The following DYM variants were observed in gnomAD, a reference collection of about 807,000 sequenced individuals.
DYM encodes the protein dyggve-Melchior-Clausen syndrome protein.
A neutral mutation model predicts 93.1 loss-of-function variants in DYM; 78 were observed. The observed-to-expected ratio is 0.84, with a 90% confidence interval of 0.70 to 1.01. The LOEUF (loss-of-function observed/expected upper bound fraction) is 1.01, where lower values mean the gene tolerates loss of function less well. DYM is among the 50% of genes least tolerant of loss of function. The pLI, the probability that DYM is intolerant of heterozygous loss-of-function variation, is 0.00. For synonymous variants in DYM, 321 were observed against 319.7 expected, an observed-to-expected ratio of 1.00 and a Z score of -0.04; for missense variants, 789 against 845.0, an observed-to-expected ratio of 0.93 and a Z score of 0.82.
intron 13 of DYM, among the ~76,000 whole-genome samples, chr18:49,228,226 A>G (rs2093595998): frequency 6.6e-6 from 1 of 152,178 alleles, no homozygotes; most frequent in African/African-American, 2.4e-5. Context: ...TCCACAAGTC[A>G]TCTTATGTAT....
At chr18:49,360,043 A>T (rs2065887537) in intron 6 of DYM, among the ~76,000 whole-genome samples, 1 of 152,216 alleles carries the variant, frequency 6.6e-6, no homozygotes, top group South Asian at 2.1e-4. Context: ...TGTACATAAT[A>T]GGAGACAACT....
chr18:49,064,869 G>A (rs1302785121), intron 17 of DYM, among the ~76,000 whole-genome samples: 1 of 149,798 alleles, frequency 6.7e-6, no homozygotes, highest in Non-Finnish European at 1.5e-5. Flanking sequence ...CCTCTTTGTT[G>A]TTCATAATGT....
intron 8 of DYM, among the ~76,000 whole-genome samples, chr18:49,305,379 T>C (rs2061212800): frequency 6.6e-6 from 1 of 152,212 alleles, no homozygotes; most frequent in South Asian, 2.1e-4. Flanking sequence ...CCAGCAATCC[T>C]ACTACATTGA....
chr18:49,314,192 A>G (rs577081), intron 8 of DYM, among the ~76,000 whole-genome samples: 109,875 of 152,142 alleles, frequency 0.72, 39,750 homozygotes, highest in South Asian at 0.76. Context: ...ACATAGTTTA[A>G]TTTTGCCAGT....
At chr18:49,427,077 G>A (rs191558322) in intron 2 of DYM, among the ~76,000 whole-genome samples, 69 of 152,144 alleles carry the variant, frequency 4.5e-4, no homozygotes, top group Non-Finnish European at 9.0e-4. Flanking sequence ...AGGTGATTCA[G>A]GCAAAAATCA....
chr18:49,414,391 T>TA (rs201777732), intron 2 of DYM, among the ~76,000 whole-genome samples: 1,890 of 152,024 alleles, frequency 0.012, 31 homozygotes, highest in African/African-American at 0.039. Context: ...TTTACCACAA[T>TA]AAAAAAAACA....
At chr18:49,451,951 C>T (rs144278489) in intron 1 of DYM, among the ~76,000 whole-genome samples, 3 of 152,260 alleles carry the variant, frequency 2.0e-5, no homozygotes, top group African/African-American at 7.2e-5. Flanking sequence ...AATCTGGATA[C>T]CTTGGCAAAT....
intron 17 of DYM, among the ~76,000 whole-genome samples, chr18:49,056,999 C>T (rs950765585): frequency 6.6e-5 from 10 of 152,208 alleles, no homozygotes; most frequent in Non-Finnish European, 8.8e-5. Context: ...GGGCCAATTC[C>T]TGCTTTTACC....
rs560525448 is a variant in DYM at position 49,397,568 on chromosome 18, C to G, written c.141-5923G>C. ...CTCCAAATGGGCAACTCTTTTGTAC[C>G]AGCTTTAAAACCCATACCCCTCCAG... is the stretch of plus-strand genomic sequence containing the variant. On this transcript the variant is annotated intron_variant, in intron 2 of 17. Coordinates refer to ENST00000675505, the MANE Select transcript of DYM (RefSeq NM_001353214.3). Among the ~76,000 whole-genome samples the G allele has an allele frequency of 1.9e-4, 29 of 152,270 alleles. 1 individual carries two copies. In the South Asian group the frequency reaches 5.8e-3, roughly 31 times the overall value.
intron 17 of DYM, among the ~76,000 whole-genome samples, chr18:49,051,835 C>T (rs551935088): frequency 6.6e-6 from 1 of 152,308 alleles, no homozygotes; most frequent in Admixed American, 6.5e-5. Context: ...TGCTGTCTCC[C>T]AAGTGTGCAC....
intron 13 of DYM, among the ~76,000 whole-genome samples, chr18:49,235,059 A>C (rs2093820040): frequency 6.6e-6 from 1 of 152,214 alleles, no homozygotes. Flanking sequence ...ATATGAACCC[A>C]GCAGGCCTAC....
At chr18:49,435,130 C>T (rs1013652976) in intron 1 of DYM, among the ~76,000 whole-genome samples, 3 of 148,640 alleles carry the variant, frequency 2.0e-5, no homozygotes, top group African/African-American at 7.4e-5. Flanking sequence ...ATCACTTGAA[C>T]CCAGGAGGCA....
At chr18:49,101,420 T>C (rs1033734718) in intron 16 of DYM, among the ~76,000 whole-genome samples, 4 of 152,226 alleles carry the variant, frequency 2.6e-5, no homozygotes, top group Non-Finnish European at 5.9e-5. Context: ...CCCACTGTCA[T>C]ATACTGATTA....
At position 49,097,876 on chromosome 18, in the gene DYM, T is replaced by TCG. The variant is rs1302762851; in HGVS notation, c.1912-362_1912-361insCG. Among the ~76,000 whole-genome samples the TCG allele has an allele frequency of 4.9e-4, 14 of 28,514 alleles. 1 individual carries two copies. The highest frequency in any genetic ancestry group is 1.3e-3 in the African/African-American group (4 of 3,100). The allele number at this position is 28,514 out of a possible 152,430, so 18.7% of individuals were successfully genotyped here. On this transcript the variant is annotated intron_variant, in intron 16 of 17. Coordinates refer to ENST00000675505, the MANE Select transcript of DYM (RefSeq NM_001353214.3). ...ATCACTTTTGAAGCTTAATATTAGC[T>TCG]CTCTCTCTCTCTCTCTCTCTCTCTC...
At chr18:49,093,228 G>A (rs2079229007) in intron 17 of DYM, 1 of 152,154 alleles carries the variant, frequency 6.6e-6, no homozygotes, top group South Asian at 2.1e-4. Flanking sequence ...TGACAGACAA[G>A]CCATGAAACT....
chr18:49,293,416 T>C (rs1288121816), intron 8 of DYM, among the ~76,000 whole-genome samples: 1 of 152,348 alleles, frequency 6.6e-6, no homozygotes, highest in East Asian at 1.9e-4. Context: ...TCTTCCACAA[T>C]GGCTGAACTA....
intron 17 of DYM, among the ~76,000 whole-genome samples, chr18:49,071,598 A>G (rs2076893687): frequency 6.6e-6 from 1 of 152,248 alleles, no homozygotes; most frequent in South Asian, 2.1e-4. Flanking sequence ...TGTGACCACA[A>G]GTACATTTTT....
chr18:49,392,243 A>T (rs2069344989), intron 2 of DYM, among the ~76,000 whole-genome samples: 1 of 152,214 alleles, frequency 6.6e-6, no homozygotes, highest in South Asian at 2.1e-4. Flanking sequence ...CAGAGACAGA[A>T]ATAAAGCTTA....
intron 11 of DYM, among the ~76,000 whole-genome samples, chr18:49,268,929 C>G (rs1345935013): frequency 1.3e-5 from 2 of 151,858 alleles, no homozygotes; most frequent in East Asian, 3.9e-4. Flanking sequence ...AAAGGTCAAG[C>G]TACAAAAGCA....
Sources: allele counts gnomAD v4.1 joint callset (sites outside exome capture counted in the v4.1 genomes callset), GRCh38; gene constraint gnomAD v4.1.1; transcripts MANE v1.5; gene names NCBI Gene and HGNC (gene_info 2026-07-23, HGNC 2026-07-21).